Variants in KMT2A observed in about 807,000 individuals in gnomAD.
KMT2A encodes histone-lysine N-methyltransferase 2A.
Under a neutral mutation model 345.3 loss-of-function variants are expected in KMT2A, and 16 were observed. That is an observed-to-expected ratio of 0.05 (90% confidence interval 0.03 to 0.07). The LOEUF is 0.07. KMT2A is among the 10% of genes least tolerant of loss of function. KMT2A has a pLI of 1.00. For synonymous variants in KMT2A, 1,599 were observed against 1,778.6 expected (o/e 0.90, Z 2.54); for missense variants, 3,272 against 4,841.6 (o/e 0.68, Z 9.62).
At position 118,473,919 on chromosome 11, in the gene KMT2A, T is replaced by A. The variant is rs782203458; in HGVS notation, c.2760T>A (p.Asp920Glu). Reference protein sequence around the residue: ...RVSKEKVVGEDVATSSSAKKA... With the variant: ...RVSKEKVVGEEVATSSSAKKA... ...CCAAAGAGAAGGTTGTTGGTGAAGA[T>A]GTTGCCACTTCATCTTCTGCCAAAA... The change falls in exon 3 of 36, where the codon GAT becomes GAA. Residue 920 changes from aspartate to glutamate, a missense_variant. Physicochemically the swap from Asp to Glu is conservative, Grantham distance 45 (BLOSUM62 2). Coordinates refer to ENST00000534358, the MANE Select transcript of KMT2A (RefSeq NM_001197104.2). This position sits in a 1 kb window ranked among gnomAD's most constrained non-coding sequence, Gnocchi z 5.2. The A allele has an allele frequency of 6.2e-7, 1 of 1,614,214 alleles. No individual in the cohort carries two copies. Among genetic ancestry groups the A allele is most frequent in the Non-Finnish European group, 8.5e-7 (1 of 1,180,044 alleles).
rs2134439045 is a variant in KMT2A, at chr11:118,512,035, G to A, written c.11146+10G>A. The A allele has an allele frequency of 6.2e-7, 1 of 1,611,456 alleles. No homozygotes were observed. Among genetic ancestry groups the A allele is most frequent in the Non-Finnish European group, 8.5e-7 (1 of 1,177,592 alleles). Reference sequence around the variant, plus strand: ...CAGCTCTCATTTGCAGGTAATGGCTGGAGGTGTTATTCCACTCCTGTCTCA... The same window carrying A: ...CAGCTCTCATTTGCAGGTAATGGCTAGAGGTGTTATTCCACTCCTGTCTCA... On this transcript the variant is annotated intron_variant, in intron 31 of 35. Coordinates refer to ENST00000534358, the MANE Select transcript of KMT2A (RefSeq NM_001197104.2).
intron 2 of KMT2A, 97 bp from the exon 3 acceptor site, chr11:118,471,565 A>C: frequency 1.4e-6 from 1 of 690,986 alleles, no homozygotes. Flanking sequence ...AGTTGAACTC[A>C]GTACAAAATG....
chr11:118,489,427 C>G (rs1245415373), intron 11 of KMT2A, among the ~76,000 whole-genome samples: 1 of 152,122 alleles, frequency 6.6e-6, no homozygotes, highest in East Asian at 1.9e-4. Flanking sequence ...TTTCTGTCTT[C>G]CAGTTAAGAT....
chr11:118,442,999 T>C (rs546755581), intron 1 of KMT2A, among the ~76,000 whole-genome samples: 14 of 152,320 alleles, frequency 9.2e-5, no homozygotes, highest in African/African-American at 3.4e-4. Context: ...GTTGTTGTTA[T>C]TGTCATTTCA....
At position 118,495,959 on chromosome 11, in the gene KMT2A, C is replaced by G. The variant is rs1950403009; in HGVS notation, c.5557+66C>G. ...GATGCAGATGATTGACTTCGTGAAT[C>G]CAATTCACTAAAATTAGATATACTT... On this transcript the variant is annotated intron_variant, in intron 19 of 35. Coordinates refer to ENST00000534358, the MANE Select transcript of KMT2A (RefSeq NM_001197104.2). This position sits in a 1 kb window ranked among gnomAD's most constrained non-coding sequence, Gnocchi z 4.1. 2 of 1,312,288 alleles carry G rather than the reference C, an allele frequency of 1.5e-6. No individual in the cohort carries two copies. The highest frequency in any genetic ancestry group is 4.6e-5 in the East Asian group (2 of 43,128). The allele number at this position is 1,312,288 out of a possible 1,614,324, so 81.3% of individuals were successfully genotyped here.
chr11:118,451,328 C>G (rs1245452632), intron 1 of KMT2A, among the ~76,000 whole-genome samples: 1 of 151,772 alleles, frequency 6.6e-6, no homozygotes, highest in East Asian at 1.9e-4. Flanking sequence ...CCTCCTTCCT[C>G]AGCCTCCTGA....
At chr11:118,477,866 T>TA in intron 4 of KMT2A, 101 bp from the exon 5 acceptor site, 1 of 762,794 alleles carries the variant, frequency 1.3e-6, no homozygotes, top group Middle Eastern at 3.8e-4. Context: ...GAGTTCTGTA[T>TA]ATAAATATTT....
chr11:118,473,807 A>G lies in KMT2A; in HGVS notation c.2648A>G (p.Glu883Gly). The change falls in exon 3 of 36, where the codon GAG becomes GGG. Residue 883 changes from glutamate (E) to glycine (G), a missense_variant. Around this residue, in one of 27 missense-constraint regions of KMT2A, gnomAD observed 209 missense variants for 237.4 expected, o/e 0.88. Coordinates refer to ENST00000534358, the MANE Select transcript of KMT2A (RefSeq NM_001197104.2). This position sits in a 1 kb window ranked among gnomAD's most constrained non-coding sequence, Gnocchi z 5.2. Reference sequence around the variant, plus strand: ...GAGAGAGACCGGGAGAGAGAAAAGGAGAATAAGCGGGAGTCAAGGAAAGAG... The same window carrying G: ...GAGAGAGACCGGGAGAGAGAAAAGGGGAATAAGCGGGAGTCAAGGAAAGAG... The part of the protein sequence containing the change: ...SRERDREREK[E>G]NKRESRKEKR... 6.2e-7 allele frequency: 1 copy of G among 1,614,172 alleles called. No individual in the cohort carries two copies.
intron 1 of KMT2A, among the ~76,000 whole-genome samples, chr11:118,456,531 G>A (rs1949647227): frequency 6.6e-6 from 1 of 151,868 alleles, no homozygotes; most frequent in Non-Finnish European, 1.5e-5. Context: ...GTAGAGATGG[G>A]GTTTCACTAT....
rs560417477 is a variant in KMT2A at position 118,522,340 on chromosome 11, A to G, written c.*168A>G. The stretch of plus-strand genomic sequence containing the variant: ...CTATACTCACATCAGACATGTGATC[A>G]TAGTCCCAGAGACAGAGTTGAGGTC... On this transcript the variant is annotated 3_prime_UTR_variant, in exon 36 of 36. Coordinates refer to ENST00000534358, the MANE Select transcript of KMT2A (RefSeq NM_001197104.2). The surrounding 1 kb of genome is among the most constrained non-coding windows in gnomAD (Gnocchi z 5.4). 64 of 643,466 alleles carry G rather than the reference A, an allele frequency of 9.9e-5. No homozygotes were observed. The African/African-American group carries it at 1.0e-3, about 10-fold the overall frequency. The allele number at this position is 643,466 out of a possible 1,614,324, so 39.9% of individuals were successfully genotyped here.
At chr11:118,466,201 A>G (rs545831095) in intron 1 of KMT2A, among the ~76,000 whole-genome samples, 1 of 152,058 alleles carries the variant, frequency 6.6e-6, no homozygotes, top group African/African-American at 2.4e-5. Context: ...GTGCTGGTAC[A>G]TGCCTGTAGT....
At chr11:118,441,108 C>T (rs1446578208) in intron 1 of KMT2A, among the ~76,000 whole-genome samples, 1 of 151,910 alleles carries the variant, frequency 6.6e-6, no homozygotes, top group African/African-American at 2.4e-5. Context: ...AACTTTTGGT[C>T]AAATCAGAAT....
In KMT2A at chr11:118,526,673, A is replaced by AAAT. The variant is rs1157913081; in HGVS notation, c.*4508_*4510dup. 4.3e-6 allele frequency: 1 copy of AAAT among 231,902 alleles called. No homozygotes were observed. The highest frequency in any genetic ancestry group is 6.2e-5 in the East Asian group (1 of 16,248). The allele number at this position is 231,902 out of a possible 1,614,324, so 14.4% of individuals were successfully genotyped here. A position where few individuals can be genotyped will look rare whatever the true frequency, so the allele number is the denominator to read the frequency against. On this transcript the variant is annotated 3_prime_UTR_variant, in exon 36 of 36. Transcript: ENST00000534358. Reference sequence around the variant, plus strand: ...AAGGAAAATACTTTAATAGTTCAAAAAATAATAATGCTGAAAGCTCTCTAC... The same window carrying AAAT: ...AAGGAAAATACTTTAATAGTTCAAAAAATAATAATAATGCTGAAAGCTCTCTAC...
chr11:118,455,367 C>T (rs1215406977), intron 1 of KMT2A, among the ~76,000 whole-genome samples: 1 of 152,088 alleles, frequency 6.6e-6, no homozygotes, highest in Non-Finnish European at 1.5e-5. Context: ...TTGAATTATG[C>T]CTGTAGCCTG....
At chr11:118,499,025 TC>T (rs1268076474) in intron 22 of KMT2A, among the ~76,000 whole-genome samples, 1 of 152,228 alleles carries the variant, frequency 6.6e-6, no homozygotes, top group Non-Finnish European at 1.5e-5. Context: ...CATTTAAGTT[TC>T]CTTCAAGTCT....
chr11:118,455,342 G>A (rs1453200677), intron 1 of KMT2A, among the ~76,000 whole-genome samples: 4 of 152,148 alleles, frequency 2.6e-5, no homozygotes, highest in Non-Finnish European at 5.9e-5. Context: ...TTGAATGATT[G>A]AGTGACAGTC....
intron 1 of KMT2A, among the ~76,000 whole-genome samples, chr11:118,444,895 C>T (rs1949386820): frequency 6.6e-6 from 1 of 152,100 alleles, no homozygotes; most frequent in African/African-American, 2.4e-5. Context: ...TTGAACCTCT[C>T]CATACCTCTG....
In KMT2A at chr11:118,488,608, C is replaced by T. The variant is rs1555041571; in HGVS notation, c.4333-6C>T. On this transcript the variant is annotated splice_polypyrimidine_tract_variant and splice_region_variant and intron_variant, in intron 10 of 35. Transcript: ENST00000534358. ...ATACTTCTATCTTCCCATGTTCTTA[C>T]TATAGTTTGTGTATTGCCAAGTCTG... is the stretch of plus-strand genomic sequence containing the variant. 1.9e-6 allele frequency: 3 copies of T among 1,613,196 alleles called. No homozygotes were observed. Among genetic ancestry groups the T allele is most frequent in the Non-Finnish European group, 2.5e-6 (3 of 1,179,298 alleles).
intron 1 of KMT2A, among the ~76,000 whole-genome samples, chr11:118,454,442 C>G (rs1297542344): frequency 1.3e-5 from 2 of 152,208 alleles, no homozygotes; most frequent in Admixed American, 6.5e-5. Context: ...CCACCAAGGT[C>G]TTTATATGTC....
Sources: gnomAD v4.1 joint callset for allele counts (sites outside exome capture counted in the v4.1 genomes callset) on GRCh38, gnomAD v4.1.1 for gene constraint, gnomAD v4.1.1 regional missense constraint, Gnocchi (gnomAD v3.1) non-coding constraint, MANE v1.5 for transcripts, NCBI Gene and HGNC (gene_info 2026-07-23, HGNC 2026-07-21) for gene names.